UNC79: variants seen among roughly 807,000 people sequenced by gnomAD.
UNC79 encodes the protein unc-79 subunit of NALCN channel complex.
UNC79 carries 37 observed loss-of-function variants against 283.1 expected under a neutral mutation model. The observed-to-expected ratio is 0.13, with a 90% CI of 0.10 to 0.17. UNC79 has a LOEUF of 0.17. Ranked by LOEUF, UNC79 falls within the 10% of genes least tolerant of loss-of-function variation. The pLI, the probability that UNC79 is intolerant of heterozygous loss-of-function variation, is 1.00. For missense variants in UNC79, 2,272 were observed against 3,211.1 expected, an observed-to-expected ratio of 0.71 and a Z score of 7.07; for synonymous variants, 1,107 against 1,200.2, an observed-to-expected ratio of 0.92 and a Z score of 1.61.
intron 1 of UNC79, among the ~76,000 whole-genome samples, chr14:93,419,103 C>T (rs1439993906): frequency 2.0e-5 from 3 of 147,240 alleles, no homozygotes; most frequent in East Asian, 1.9e-4. Context: ...AGAAATCACC[C>T]GTCTTCTGTG....
chr14:93,429,303 T>A (rs2055799795), upstream of UNC79, among the ~76,000 whole-genome samples: 1 of 152,252 alleles, frequency 6.6e-6, no homozygotes, highest in Admixed American at 6.5e-5. Context: ...CTCTTTGGGA[T>A]GTGGTTTTGG....
At position 93,508,855 on chromosome 14, in the gene UNC79, T is replaced by TTTTC. The variant is rs569822836; in HGVS notation, c.898+11577_898+11580dup. On this transcript the variant is annotated intron_variant, in intron 7 of 48. Transcript: ENST00000555664. The stretch of plus-strand genomic sequence containing the variant: ...CAAATCTTTATATCACTTATTGCTG[T>TTTTC]TTTCTTTCTTTGTTTTATTGTCCAG... Among the ~76,000 whole-genome samples the TTTTC allele has an allele frequency of 6.6e-5, 10 of 152,348 alleles. No individual in the cohort carries two copies. In the East Asian group the frequency reaches 1.5e-3, roughly 23 times the overall value.
At chr14:93,466,747 A>G (rs897097752) in intron 1 of UNC79, 1 of 580,542 alleles carries the variant, frequency 1.7e-6, no homozygotes, top group African/African-American at 2.0e-5. Context: ...GGACAAATGG[A>G]CAGTGTTGAG....
At chr14:93,516,344 G>T (rs2060051026) in intron 7 of UNC79, among the ~76,000 whole-genome samples, 1 of 150,810 alleles carries the variant, frequency 6.6e-6, no homozygotes, top group Non-Finnish European at 1.5e-5. Context: ...CTCCAGATTT[G>T]TTCTTTTAAA....
chr14:93,496,347 A>C, intron 5 of UNC79, 64 bp from the exon 6 acceptor site: 1 of 1,088,648 alleles, frequency 9.2e-7, no homozygotes, highest in Non-Finnish European at 1.3e-6. Context: ...TTATATATGT[A>C]TATCAAAGGA....
chr14:93,367,139 G>A (rs1732615644), intron 1 of UNC79, among the ~76,000 whole-genome samples: 1 of 152,016 alleles, frequency 6.6e-6, no homozygotes, highest in South Asian at 2.1e-4. Context: ...AGTGATTAGA[G>A]GCTTCATTCC....
intron 5 of UNC79, among the ~76,000 whole-genome samples, chr14:93,490,582 C>T (rs538002471): frequency 2.0e-4 from 30 of 152,310 alleles, no homozygotes; most frequent in African/African-American, 7.2e-4. Context: ...AGTTCTTTGT[C>T]ACTTTATAGC....
At chr14:93,403,197 A>G (rs914637109) in intron 1 of UNC79, among the ~76,000 whole-genome samples, 3 of 152,216 alleles carry the variant, frequency 2.0e-5, no homozygotes, top group African/African-American at 4.8e-5. Context: ...GCATTTTTAC[A>G]TAAACAATAG....
chr14:93,694,373 G>A lies in UNC79; in HGVS notation c.7509G>A (p.Met2503Ile), dbSNP rs2074937344. The A allele has an allele frequency of 6.2e-7, 1 of 1,611,554 alleles. No homozygotes were observed. Among genetic ancestry groups the A allele is most frequent in the Admixed American group, 1.7e-5 (1 of 59,972 alleles). ...TGTGTCTCCATGTGATTAGTTTAAT[G>A]GAGGCATTGCAGGAATGCAATTCGA... is the stretch of plus-strand genomic sequence containing the variant. Residue 2503 changes from methionine (M) to isoleucine (I), a missense_variant, in exon 47 of 49, where the codon ATG becomes ATA. Around this residue, in one of 11 missense-constraint regions of UNC79, gnomAD observed 225 missense variants for 334.2 expected, o/e 0.67. Transcript: ENST00000555664.
At chr14:93,341,344 C>T (rs1025681886) in intron 1 of UNC79, among the ~76,000 whole-genome samples, 1 of 151,990 alleles carries the variant, frequency 6.6e-6, no homozygotes, top group Non-Finnish European at 1.5e-5. Context: ...GTAATCCCAG[C>T]TACTCAGGCG....
At chr14:93,632,651 A>G (rs1046659141) in intron 31 of UNC79, among the ~76,000 whole-genome samples, 1 of 151,832 alleles carries the variant, frequency 6.6e-6, no homozygotes, top group Non-Finnish European at 1.5e-5. Context: ...GTGAGCTGTG[A>G]TTGTGCCACT....
intron 1 of UNC79, among the ~76,000 whole-genome samples, chr14:93,403,181 G>A (rs1374315678): frequency 2.0e-5 from 3 of 152,148 alleles, no homozygotes; most frequent in Admixed American, 6.6e-5. Context: ...CTGGCTCAGC[G>A]AATCTGCATT....
intron 30 of UNC79, among the ~76,000 whole-genome samples, chr14:93,626,800 A>G (rs143636389): frequency 5.9e-5 from 9 of 152,322 alleles, no homozygotes; most frequent in African/African-American, 1.9e-4. Context: ...AAACATTAGT[A>G]TAGAGTTTGG....
chr14:93,444,711 A>T (rs1036734125), intron 1 of UNC79, among the ~76,000 whole-genome samples: 1 of 152,118 alleles, frequency 6.6e-6, no homozygotes, highest in African/African-American at 2.4e-5. Flanking sequence ...TCAATCACTC[A>T]TATATATGTG....
intron 41 of UNC79, among the ~76,000 whole-genome samples, chr14:93,674,808 G>A (rs1168770943): frequency 1.3e-5 from 2 of 152,172 alleles, no homozygotes; most frequent in South Asian, 2.1e-4. Context: ...GCATGGGGGG[G>A]TTCAGTGGCT....
intron 40 of UNC79, among the ~76,000 whole-genome samples, chr14:93,670,260 A>C (rs1187026639): frequency 6.6e-6 from 1 of 152,166 alleles, no homozygotes; most frequent in African/African-American, 2.4e-5. Context: ...TCTGACACTA[A>C]TTACCTGGAG....
intron 17 of UNC79, 89 bp downstream of exon 17, chr14:93,575,287 G>A: frequency 6.5e-7 from 1 of 1,547,908 alleles, no homozygotes; most frequent in Non-Finnish European, 8.8e-7. Context: ...ACTGTCATAA[G>A]AAACCAAAAA....
intron 20 of UNC79, among the ~76,000 whole-genome samples, chr14:93,583,469 G>T (rs955880013): frequency 6.6e-6 from 1 of 152,214 alleles, no homozygotes; most frequent in Non-Finnish European, 1.5e-5. Context: ...CTGTGGAGGT[G>T]TCTTATTCAA....
At chr14:93,542,233 A>G (rs937132449) in intron 13 of UNC79, among the ~76,000 whole-genome samples, 9 of 152,124 alleles carry the variant, frequency 5.9e-5, no homozygotes, top group African/African-American at 2.2e-4. Flanking sequence ...CTTGTAGGAG[A>G]AAATGCTTAA....
Sources: gnomAD v4.1 joint callset for allele counts (sites outside exome capture counted in the v4.1 genomes callset) on GRCh38, gnomAD v4.1.1 for gene constraint, gnomAD v4.1.1 regional missense constraint, MANE v1.5 for transcripts, NCBI Gene and HGNC (gene_info 2026-07-23, HGNC 2026-07-21) for gene names.